The following SDK1 variants were observed in gnomAD, a reference collection of about 807,000 sequenced individuals.
SDK1 encodes the protein protein sidekick-1.
Under a neutral mutation model 245.5 loss-of-function variants are expected in SDK1, and 157 were observed. That is an observed-to-expected ratio of 0.64 (90% confidence interval 0.56 to 0.73). The LOEUF (loss-of-function observed/expected upper bound fraction) is 0.73. Among genes scored for constraint, SDK1 ranks in the 30% least tolerant of loss-of-function variants. SDK1 has a pLI of 0.00. For missense variants in SDK1, 3,583 were observed against 3,002.3 expected (o/e 1.19, Z -4.52); for synonymous variants, 1,647 against 1,278.5 (o/e 1.29, Z -6.15).
chr7:3,868,470 A>G (rs929501248), intron 5 of SDK1, among the ~76,000 whole-genome samples: 1 of 152,242 alleles, frequency 6.6e-6, no homozygotes, highest in Non-Finnish European at 1.5e-5. Flanking sequence ...CTAGGTGACA[A>G]CTGGTTAATG....
At position 4,268,897 on chromosome 7, in the gene SDK1, C is replaced by A; in HGVS notation, c.*3513C>A. 2.4e-6 allele frequency: 1 copy of A among 413,122 alleles called. No individual in the cohort carries two copies. Among genetic ancestry groups the A allele is most frequent in the Non-Finnish European group, 4.6e-6 (1 of 215,954 alleles). 25.6% of individuals were successfully genotyped at this position (413,122 alleles called of 1,614,324 possible). A position where few individuals can be genotyped will look rare whatever the true frequency, so the allele number is the denominator to read the frequency against. ...CCCTACAACTTTTTCTGAAATTGTG[C>A]AGAAAAACAGATCTCATTAAAAGAA... On this transcript the variant is annotated 3_prime_UTR_variant, in exon 45 of 45. Coordinates refer to ENST00000404826, the MANE Select transcript of SDK1 (RefSeq NM_152744.4).
chr7:4,237,623 T>C, intron 41 of SDK1, 24 bp from the exon 42 acceptor site: 2 of 1,614,024 alleles, frequency 1.2e-6, no homozygotes, highest in Non-Finnish European at 1.7e-6. Context: ...CCCATGTCAT[T>C]GTGTGTCCGT....
At chr7:4,156,201 G>A (rs535100381) in intron 30 of SDK1, among the ~76,000 whole-genome samples, 3 of 152,270 alleles carry the variant, frequency 2.0e-5, no homozygotes, top group Admixed American at 2.0e-4. Context: ...GCTGCCTCCT[G>A]GTACAGGAGC....
intron 1 of SDK1, among the ~76,000 whole-genome samples, chr7:3,336,176 A>G (rs1780194542): frequency 6.6e-6 from 1 of 152,146 alleles, no homozygotes; most frequent in Non-Finnish European, 1.5e-5. Flanking sequence ...CAGCTAAACC[A>G]AGGAAACTGC....
At chr7:3,570,145 G>A (rs1202010893) in intron 1 of SDK1, among the ~76,000 whole-genome samples, 1 of 152,154 alleles carries the variant, frequency 6.6e-6, no homozygotes, top group East Asian at 1.9e-4. Flanking sequence ...ATGTTTCCTG[G>A]CTTTTTAAGT....
intron 1 of SDK1, among the ~76,000 whole-genome samples, chr7:3,611,034 T>C (rs912428519): frequency 2.6e-5 from 4 of 152,234 alleles, no homozygotes; most frequent in Non-Finnish European, 5.9e-5. Context: ...ATAAGAGATA[T>C]ATTCTTTCAA....
At chr7:3,613,114 A>G (rs539060907) in intron 1 of SDK1, among the ~76,000 whole-genome samples, 11 of 152,282 alleles carry the variant, frequency 7.2e-5, no homozygotes, top group East Asian at 3.9e-4. Context: ...ATTCCTATTC[A>G]TTCTGCCGTT....
At chr7:3,637,057 G>C (rs1421934912) in intron 2 of SDK1, among the ~76,000 whole-genome samples, 1 of 141,034 alleles carries the variant, frequency 7.1e-6, no homozygotes, top group African/African-American at 2.8e-5. Flanking sequence ...CTGATGCAGA[G>C]AGAGAGAGAG....
chr7:4,097,113 C>T (rs1782199793), intron 22 of SDK1, among the ~76,000 whole-genome samples: 1 of 152,238 alleles, frequency 6.6e-6, no homozygotes, highest in South Asian at 2.1e-4. Flanking sequence ...CCAGGCTTCA[C>T]CCAGCTGGGC....
intron 22 of SDK1, among the ~76,000 whole-genome samples, chr7:4,082,205 A>T (rs1352759870): frequency 6.6e-6 from 1 of 152,028 alleles, no homozygotes; most frequent in African/African-American, 2.4e-5. Context: ...TTTTGTGTAT[A>T]CACCAGTCGT....
At chr7:3,927,932 C>T (rs1214298602) in intron 5 of SDK1, among the ~76,000 whole-genome samples, 1 of 152,130 alleles carries the variant, frequency 6.6e-6, no homozygotes, top group African/African-American at 2.4e-5. Context: ...TCTTTGTTTT[C>T]TCTTGATTGC....
At chr7:3,804,216 A>G (rs1054335447) in intron 4 of SDK1, among the ~76,000 whole-genome samples, 1 of 152,218 alleles carries the variant, frequency 6.6e-6, no homozygotes, top group African/African-American at 2.4e-5. Flanking sequence ...AAAATTTTAC[A>G]GTTTTACAAA....
At chr7:4,105,683 A>T (rs987384717) in intron 22 of SDK1, among the ~76,000 whole-genome samples, 2 of 152,218 alleles carry the variant, frequency 1.3e-5, no homozygotes, top group Non-Finnish European at 2.9e-5. Context: ...GTATAGGAGT[A>T]CAGAATTAGG....
At chr7:3,797,944 G>C (rs1562450550) in intron 4 of SDK1, among the ~76,000 whole-genome samples, 1 of 152,064 alleles carries the variant, frequency 6.6e-6, no homozygotes, top group African/African-American at 2.4e-5. Flanking sequence ...AATAACTTGA[G>C]ACTTATAAAA....
chr7:4,264,249 A>G (rs1264083225), intron 44 of SDK1, among the ~76,000 whole-genome samples: 8 of 61,778 alleles, frequency 1.3e-4, no homozygotes, highest in South Asian at 1.0e-3. Context: ...GAGGCCGCGT[A>G]GACCTCTCCT....
intron 4 of SDK1, among the ~76,000 whole-genome samples, chr7:3,662,771 C>T (rs554156801): frequency 6.6e-6 from 1 of 152,282 alleles, no homozygotes; most frequent in South Asian, 2.1e-4. Context: ...ATTTCAAATG[C>T]TTCAAAATCT....
chr7:3,804,655 C>G (rs1345506309), intron 4 of SDK1, among the ~76,000 whole-genome samples: 1 of 152,186 alleles, frequency 6.6e-6, no homozygotes, highest in Non-Finnish European at 1.5e-5. Flanking sequence ...TCGGACAAAA[C>G]CAGTATCTTT....
intron 4 of SDK1, among the ~76,000 whole-genome samples, chr7:3,810,337 C>T (rs1004434993): frequency 6.7e-6 from 1 of 149,188 alleles, no homozygotes; most frequent in Non-Finnish European, 1.5e-5. Context: ...AATCATGTTT[C>T]TTTTTTTTTT....
chr7:4,005,851 C>T (rs879651635), intron 14 of SDK1, among the ~76,000 whole-genome samples: 12 of 152,172 alleles, frequency 7.9e-5, no homozygotes, highest in Admixed American at 3.3e-4. Flanking sequence ...AGCCACGTGG[C>T]GAAATCCCGT....
Sources: gnomAD v4.1 joint callset for allele counts (sites outside exome capture counted in the v4.1 genomes callset) on GRCh38, gnomAD v4.1.1 for gene constraint, MANE v1.5 for transcripts, NCBI Gene and HGNC (gene_info 2026-07-23, HGNC 2026-07-21) for gene names.